FHIT: variants seen among roughly 807,000 people sequenced by gnomAD.
The protein encoded by FHIT is fragile histidine triad diadenosine triphosphatase.
Under a neutral mutation model 17.9 loss-of-function variants are expected in FHIT, and 19 were observed. That is an observed-to-expected ratio of 1.06 (90% CI 0.74 to 1.56). FHIT has a LOEUF of 1.56. FHIT is among the 40% of genes most tolerant of loss of function. The pLI, the probability that FHIT is intolerant of heterozygous loss-of-function variation, is 0.00. For missense variants in FHIT, 248 were observed against 189.2 expected, an observed-to-expected ratio of 1.31 and a Z score of -1.82; for synonymous variants, 81 against 69.7, an observed-to-expected ratio of 1.16 and a Z score of -0.81.
intron 5 of FHIT, among the ~76,000 whole-genome samples, chr3:60,087,953 A>G (rs1703567641): frequency 6.6e-6 from 1 of 152,160 alleles, no homozygotes; most frequent in Admixed American, 6.5e-5. Context: ...GAGGCTGTGT[A>G]ATTTATAAAT....
At chr3:61,181,048 C>G (rs1461733677) in intron 2 of FHIT, among the ~76,000 whole-genome samples, 1 of 152,180 alleles carries the variant, frequency 6.6e-6, no homozygotes. Context: ...TTCCCTCACT[C>G]ATACCAAATA....
intron 8 of FHIT, among the ~76,000 whole-genome samples, chr3:59,863,835 C>T (rs1285390903): frequency 6.6e-6 from 1 of 152,222 alleles, no homozygotes; most frequent in Non-Finnish European, 1.5e-5. Context: ...TCAGCTCCTG[C>T]TCACCCATTG....
chr3:59,835,499 C>T (rs959812526), intron 8 of FHIT, among the ~76,000 whole-genome samples: 1 of 152,234 alleles, frequency 6.6e-6, no homozygotes, highest in East Asian at 1.9e-4. Context: ...AATTTGTTGA[C>T]ATTTTTATGG....
At chr3:60,600,270 A>T (rs782558147) in intron 4 of FHIT, among the ~76,000 whole-genome samples, 1 of 152,012 alleles carries the variant, frequency 6.6e-6, no homozygotes, top group African/African-American at 2.4e-5. Context: ...TCTTTTTTCC[A>T]TAAGTTATTC....
intron 8 of FHIT, among the ~76,000 whole-genome samples, chr3:59,802,284 TAGTTCCCAAC>T (rs1700027408): frequency 1.3e-5 from 2 of 152,220 alleles, no homozygotes; most frequent in Non-Finnish European, 2.9e-5. Flanking sequence ...GTGTGTGCTC[TAGTTCCCAAC>T]AGTTTCCTTT....
At chr3:60,986,412 G>A (rs562103842) in intron 3 of FHIT, among the ~76,000 whole-genome samples, 1 of 152,214 alleles carries the variant, frequency 6.6e-6, no homozygotes, top group East Asian at 1.9e-4. Flanking sequence ...TCTGAATACT[G>A]GTAAATACAT....
At chr3:61,052,479 C>T (rs184676894) in intron 2 of FHIT, among the ~76,000 whole-genome samples, 86 of 152,344 alleles carry the variant, frequency 5.6e-4, no homozygotes, top group African/African-American at 2.0e-3. Flanking sequence ...CATGAATGAA[C>T]TGTGATGGAG....
chr3:59,861,041 A>G (rs567618174), intron 8 of FHIT, among the ~76,000 whole-genome samples: 1 of 152,180 alleles, frequency 6.6e-6, no homozygotes, highest in South Asian at 2.1e-4. Context: ...TCTGTGGAGG[A>G]CGTGGCACTG....
intron 3 of FHIT, among the ~76,000 whole-genome samples, chr3:60,895,694 C>CTT (rs1208964606): frequency 7.2e-6 from 1 of 139,270 alleles, no homozygotes; most frequent in Non-Finnish European, 1.6e-5. Context: ...TTCTTTCTTT[C>CTT]TTTCTTTCTT....
chr3:60,644,810 G>A (rs1352274563), intron 4 of FHIT, among the ~76,000 whole-genome samples: 1 of 152,154 alleles, frequency 6.6e-6, no homozygotes, highest in Non-Finnish European at 1.5e-5. Flanking sequence ...CCCTGCTTCA[G>A]ACTGAAAGCC....
intron 4 of FHIT, among the ~76,000 whole-genome samples, chr3:60,550,637 T>G (rs1253969846): frequency 6.6e-6 from 1 of 151,848 alleles, no homozygotes; most frequent in African/African-American, 2.4e-5. Flanking sequence ...TAAACCTACT[T>G]GTTTTACATA....
intron 3 of FHIT, among the ~76,000 whole-genome samples, chr3:61,007,130 A>T (rs2031505183): frequency 6.6e-6 from 1 of 152,208 alleles, no homozygotes; most frequent in African/African-American, 2.4e-5. Flanking sequence ...GGGCCAATGA[A>T]ATGTTGTTGT....
At chr3:59,873,650 G>A (rs2106915945) in intron 8 of FHIT, among the ~76,000 whole-genome samples, 1 of 152,250 alleles carries the variant, frequency 6.6e-6, no homozygotes, top group Admixed American at 6.5e-5. Context: ...CCTACTTGAT[G>A]CTAGTGGCAC....
In FHIT at chr3:60,509,272, T is replaced by A. The variant is rs535247907; in HGVS notation, c.103+27588A>T. Among the ~76,000 whole-genome samples the A allele has an allele frequency of 2.0e-5, 3 of 152,324 alleles. No individual in the cohort carries two copies. In the East Asian group the frequency reaches 5.8e-4, roughly 29 times the overall value. The stretch of plus-strand genomic sequence containing the variant: ...GAGACTGTCATTACCGCAACCAGGA[T>A]ACCCAGAGCTGCCCCAACTTCTATT... On this transcript the variant is annotated intron_variant, in intron 5 of 9. Coordinates refer to ENST00000492590, the MANE Select transcript of FHIT (RefSeq NM_002012.4).
At chr3:61,232,292 C>T (rs1194746858) in intron 1 of FHIT, among the ~76,000 whole-genome samples, 2 of 152,176 alleles carry the variant, frequency 1.3e-5, no homozygotes, top group Non-Finnish European at 2.9e-5. Context: ...GAGGCTGAGG[C>T]ACGAGAATCG....
rs577117635 is a variant in FHIT at position 59,868,216 on chromosome 3, C to G, written c.348+54130G>C. On this transcript the variant is annotated intron_variant, in intron 8 of 9. Coordinates refer to ENST00000492590, the MANE Select transcript of FHIT (RefSeq NM_002012.4). ...TCTGCATTGCAGTACACCAAAATGC[C>G]AGTCCTCTCTACAAACACATTTTAT... Among the ~76,000 whole-genome samples, 10 of 152,156 alleles carry G rather than the reference C, an allele frequency of 6.6e-5. No homozygotes were observed. In the South Asian group the frequency reaches 2.1e-3, roughly 32 times the overall value.
intron 3 of FHIT, among the ~76,000 whole-genome samples, chr3:60,939,725 A>C (rs1708331739): frequency 6.6e-6 from 1 of 152,108 alleles, no homozygotes; most frequent in Non-Finnish European, 1.5e-5. Context: ...AAATAAAACA[A>C]AATAAGTTGT....
intron 5 of FHIT, among the ~76,000 whole-genome samples, chr3:60,110,671 T>C (rs941438321): frequency 7.2e-5 from 11 of 152,164 alleles, no homozygotes; most frequent in Non-Finnish European, 1.2e-4. Context: ...GTGTTTGAAA[T>C]AGATTATCTA....
rs923645568 is a variant in FHIT, at chr3:60,455,085, C to G, written c.103+81775G>C. Among the ~76,000 whole-genome samples the G allele has an allele frequency of 1.1e-4, 17 of 151,988 alleles. No homozygotes were observed. The East Asian group carries it at 2.9e-3, about 26-fold the overall frequency. On this transcript the variant is annotated intron_variant, in intron 5 of 9. Transcript: ENST00000492590. ...ATTTCCTTATTTTTAAAAAACAATA[C>G]TCAAATTCAAAATACAAATTAAGAT...
Sources: gnomAD v4.1 joint callset for allele counts (sites outside exome capture counted in the v4.1 genomes callset) on GRCh38, gnomAD v4.1.1 for gene constraint, MANE v1.5 for transcripts, NCBI Gene and HGNC (gene_info 2026-07-23, HGNC 2026-07-21) for gene names.